SLC45A1: variants seen among roughly 807,000 people sequenced by gnomAD.
The protein encoded by SLC45A1 is solute carrier family 45 member 1.
A neutral mutation model predicts 57.6 loss-of-function variants in SLC45A1; 28 were observed. The observed-to-expected ratio is 0.49, with a 90% confidence interval of 0.36 to 0.67. The LOEUF is 0.67. Among genes scored for constraint, SLC45A1 ranks in the 30% least tolerant of loss-of-function variants. SLC45A1 has a pLI of 0.00. For synonymous variants in SLC45A1, 459 were observed against 471.5 expected (o/e 0.97, Z 0.34); for missense variants, 814 against 1,041.5 (o/e 0.78, Z 3.01).
intron 2 of SLC45A1, 129 bp downstream of exon 2, chr1:8,324,855 T>G: frequency 1.1e-6 from 1 of 899,648 alleles, no homozygotes; most frequent in Non-Finnish European, 1.6e-6. Context: ...AGTCTGGGAC[T>G]GTGGGGAACA....
At position 8,333,015 on chromosome 1, in the gene SLC45A1, G is replaced by C. The variant is rs1050449730; in HGVS notation, c.1443+2079G>C. Among the ~76,000 whole-genome samples, 12 of 150,438 alleles carry C rather than the reference G, an allele frequency of 8.0e-5. No individual in the cohort carries two copies. In the Admixed American group the frequency reaches 8.0e-4, roughly 10 times the overall value. On this transcript the variant is annotated intron_variant, in intron 5 of 8. Transcript: ENST00000471889. ...AGCTGGGCAGCCTGGAGATCTAGCCGAGGAGACACTTCACTCGGCCGCAGA... is the reference window on the plus strand; with the variant it reads ...AGCTGGGCAGCCTGGAGATCTAGCCCAGGAGACACTTCACTCGGCCGCAGA...
At position 8,330,482 on chromosome 1, in the gene SLC45A1, C is replaced by T. The variant is rs151263655; in HGVS notation, c.989C>T (p.Thr330Met). ...EGPGDSLPSH[T>M]ATNFSSPISP... is the part of the protein sequence containing the mutation. Reference sequence around the variant, plus strand: ...CCTGGCGACAGCCTCCCGTCGCACACGGCCACCAACTTCTCCAGCCCCATC... The same window carrying T: ...CCTGGCGACAGCCTCCCGTCGCACATGGCCACCAACTTCTCCAGCCCCATC... Residue 330 changes from threonine to methionine, a missense_variant, in exon 5 of 9, where the codon ACG (threonine) becomes ATG (methionine). Transcript: ENST00000471889. This position sits in a 1 kb window ranked among gnomAD's most constrained non-coding sequence, Gnocchi z 8.4. 2.3e-5 allele frequency: 37 copies of T among 1,612,854 alleles called. No individual in the cohort carries two copies. The highest frequency in any genetic ancestry group is 1.6e-4 in the Middle Eastern group (1 of 6,062).
chr1:8,325,851 G>T lies in SLC45A1; in HGVS notation c.524G>T (p.Gly175Val). Residue 175 changes from glycine (G) to valine (V), a missense_variant, in exon 4 of 9, where the codon GGC becomes GTC. Physicochemically the swap from Gly to Val is moderately radical, Grantham distance 109. Coordinates refer to ENST00000471889, the MANE Select transcript of SLC45A1 (RefSeq NM_001080397.3). This position sits in a 1 kb window ranked among gnomAD's most constrained non-coding sequence, Gnocchi z 6.3. ...CTGGGCCTCTCGCTCTTGCTGAATG[G>T]CCGGGACATTGGCATCGCCCTGGCT... ...ALLGLSLLLNGRDIGIALADV... is the reference protein window; with the variant it reads ...ALLGLSLLLNVRDIGIALADV... 1 of 1,613,820 alleles carries T rather than the reference G, an allele frequency of 6.2e-7. No homozygotes were observed.
intron 1 of SLC45A1, among the ~76,000 whole-genome samples, chr1:8,323,076 G>A (rs1460329563): frequency 6.6e-6 from 1 of 152,220 alleles, no homozygotes; most frequent in Non-Finnish European, 1.5e-5. Context: ...CCTAAGTGGT[G>A]CAGATTGCAA....
At position 8,324,620 on chromosome 1, in the gene SLC45A1, C is replaced by G. The variant is rs145180862; in HGVS notation, c.291C>G (p.Ile97Met). ...LLFNGCILFG[I>M]EFSYAMETAY... is the part of the protein sequence containing the mutation. ...TCAACGGCTGCATTCTCTTTGGCAT[C>G]GAGTTCAGCTACGCCATGGAGACGG... The change falls in exon 2 of 9, where the codon ATC becomes ATG. Residue 97 changes from isoleucine (I) to methionine (M), a missense_variant. By Grantham distance (10) the Ile-to-Met change is conservative (BLOSUM62 1). Coordinates refer to ENST00000471889, the MANE Select transcript of SLC45A1 (RefSeq NM_001080397.3). 1 of 1,611,362 alleles carries G rather than the reference C, an allele frequency of 6.2e-7. No homozygotes were observed. The highest frequency in any genetic ancestry group is 1.3e-5 in the African/African-American group (1 of 74,752).
chr1:8,324,999 C>T (rs2292242), intron 2 of SLC45A1, among the ~76,000 whole-genome samples: 81,363 of 151,922 alleles, frequency 0.54, 23,362 homozygotes, highest in East Asian at 0.77. Context: ...CAACTCATAA[C>T]GCTTGGTGTC....
chr1:8,342,994 T>C (rs1365674553), intron 8 of SLC45A1, among the ~76,000 whole-genome samples: 2 of 152,224 alleles, frequency 1.3e-5, no homozygotes, highest in Non-Finnish European at 2.9e-5. Flanking sequence ...CATGCCTCAG[T>C]TGCCTCCCCC....
chr1:8,338,003 C>G lies in SLC45A1; in HGVS notation c.1774+11C>G, dbSNP rs1414241693. 6.2e-7 allele frequency: 1 copy of G among 1,611,462 alleles called. No homozygotes were observed. The highest frequency in any genetic ancestry group is 1.7e-5 in the Admixed American group (1 of 59,656). Reference sequence around the variant, plus strand: ...CTGCCTTCTACTCAGGTACCCGCTGCCAGCCAGGCTGGCACGGCAGTGAGA... The same window carrying G: ...CTGCCTTCTACTCAGGTACCCGCTGGCAGCCAGGCTGGCACGGCAGTGAGA... On this transcript the variant is annotated intron_variant, in intron 7 of 8. Transcript: ENST00000471889.
chr1:8,340,310 G>A (rs1045954224), intron 8 of SLC45A1, among the ~76,000 whole-genome samples: 4 of 151,806 alleles, frequency 2.6e-5, no homozygotes, highest in Non-Finnish European at 4.4e-5. Flanking sequence ...CTACAGGCAC[G>A]CACCACCATG....
chr1:8,318,782 G>C (rs891980557), intron 1 of SLC45A1, among the ~76,000 whole-genome samples: 8 of 152,206 alleles, frequency 5.3e-5, no homozygotes, highest in African/African-American at 1.9e-4. Context: ...GCAGAGTCAG[G>C]GGCGGAGGAA....
At chr1:8,338,668 G>C (rs192084601) in intron 7 of SLC45A1, among the ~76,000 whole-genome samples, 2 of 152,260 alleles carry the variant, frequency 1.3e-5, no homozygotes, top group African/African-American at 4.8e-5. Flanking sequence ...ACGGGAAACC[G>C]AGTGGGCGTG....
rs1427891960 is a variant in SLC45A1 at position 8,322,713 on chromosome 1, C to T, written c.-24-1593C>T. ...TTAAAACTAATTTTGAGAGAAAGCC[C>T]GTGATATTTATCTTGGTCAATGACA... On this transcript the variant is annotated intron_variant, in intron 1 of 8. Transcript: ENST00000471889. 3.9e-5 allele frequency among the ~76,000 whole-genome samples: 6 copies of T among 152,176 alleles called. No homozygotes were observed. The East Asian group carries it at 5.8e-4, about 15-fold the overall frequency.
intron 7 of SLC45A1, among the ~76,000 whole-genome samples, chr1:8,338,534 G>A (rs1166583204): frequency 1.3e-5 from 2 of 152,240 alleles, no homozygotes; most frequent in South Asian, 2.1e-4. Context: ...GGCCGGTAGC[G>A]TGCACCGGGC....
chr1:8,339,600 T>A lies in SLC45A1; in HGVS notation c.1882T>A (p.Tyr628Asn), dbSNP rs1316774598. ...GCTTGCCACCCTCTCCAGGAACCTC[T>A]ACGTGGTCCTGTCGCTCTGCATAAC... is the stretch of plus-strand genomic sequence containing the variant. The part of the protein sequence containing the change: ...TGLATLSRNL[Y>N]VVLSLCITYG... Residue 628 changes from tyrosine to asparagine, a missense_variant, in exon 8 of 9, where the codon TAC (tyrosine) becomes AAC (asparagine). Transcript: ENST00000471889. 1 of 1,614,126 alleles carries A rather than the reference T, an allele frequency of 6.2e-7. No individual in the cohort carries two copies. Among genetic ancestry groups the A allele is most frequent in the East Asian group, 2.2e-5 (1 of 44,896 alleles).
Position 8,337,803 on chromosome 1 carries a change from T to C in SLC45A1, c.1598-13T>C, listed in dbSNP as rs1212148377. The C allele has an allele frequency of 6.2e-7, 1 of 1,610,622 alleles. No individual in the cohort carries two copies. Among genetic ancestry groups the C allele is most frequent in the Non-Finnish European group, 8.5e-7 (1 of 1,178,538 alleles). On this transcript the variant is annotated splice_polypyrimidine_tract_variant and intron_variant, in intron 6 of 8. Transcript: ENST00000471889. ...TTTGCCCCCGAGGTCATGAACCTCTTTCTTTCTTCCAGGGTGGCTCTCATT... is the reference window on the plus strand; with the variant it reads ...TTTGCCCCCGAGGTCATGAACCTCTCTCTTTCTTCCAGGGTGGCTCTCATT...
intron 8 of SLC45A1, among the ~76,000 whole-genome samples, chr1:8,340,911 G>A (rs997201688): frequency 3.3e-4 from 50 of 152,158 alleles, no homozygotes; most frequent in African/African-American, 1.2e-3. Context: ...TAAGAGAGGG[G>A]TCCGGGCGTG....
chr1:8,338,851 T>C (rs1431582705), intron 7 of SLC45A1, among the ~76,000 whole-genome samples: 1 of 152,214 alleles, frequency 6.6e-6, no homozygotes, highest in Non-Finnish European at 1.5e-5. Context: ...CCAACTGCTT[T>C]ATTTTAGTTG....
At position 8,335,361 on chromosome 1, in the gene SLC45A1, C is replaced by T. The variant is rs1324565590; in HGVS notation, c.1444-76C>T. ...CGTGCGGTGTTTCCGAGAGCGCATT[C>T]CCCTGAGCAGAGCAGGGTCTGCGCT... On this transcript the variant is annotated intron_variant, in intron 5 of 8. Transcript: ENST00000471889. The surrounding 1 kb of genome is among the most constrained non-coding windows in gnomAD (Gnocchi z 4.1). The T allele has an allele frequency of 4.3e-6, 6 of 1,400,158 alleles. No homozygotes were observed. In the Admixed American group the frequency reaches 1.2e-4, roughly 28 times the overall value. The allele number at this position is 1,400,158 out of a possible 1,614,324, so 86.7% of individuals were successfully genotyped here.
At chr1:8,321,497 A>G (rs1036247667) in intron 1 of SLC45A1, among the ~76,000 whole-genome samples, 1 of 151,988 alleles carries the variant, frequency 6.6e-6, no homozygotes, top group Admixed American at 6.6e-5. Context: ...ACTGTTACTC[A>G]TATCTGTCTT....
Sources: allele counts gnomAD v4.1 joint callset (sites outside exome capture counted in the v4.1 genomes callset), GRCh38; gene constraint gnomAD v4.1.1; non-coding constraint Gnocchi (gnomAD v3.1); transcripts MANE v1.5; gene names NCBI Gene and HGNC (gene_info 2026-07-23, HGNC 2026-07-21).